The following ABI3BP variants were observed in gnomAD, a reference collection of about 807,000 sequenced individuals.
ABI3BP encodes the protein ABI family member 3 binding protein, also known as target of Nesh-SH3.
In ABI3BP, 216 loss-of-function variants were observed where a neutral mutation model predicts 268.6. That is an observed-to-expected ratio of 0.80 (90% CI 0.72 to 0.90). The LOEUF is 0.90. Among genes scored for constraint, ABI3BP ranks in the 40% least tolerant of loss-of-function variants. ABI3BP has a pLI of 0.00. For missense variants in ABI3BP, 2,090 were observed against 2,182.4 expected (o/e 0.96, Z 0.84); for synonymous variants, 730 against 730.0 (o/e 1.00, Z 0.00).
At chr3:100,852,320 C>A (rs1353599978) in intron 14 of ABI3BP, among the ~76,000 whole-genome samples, 2 of 152,202 alleles carry the variant, frequency 1.3e-5, no homozygotes, top group African/African-American at 4.8e-5. Flanking sequence ...ACAGCAGTCC[C>A]ATTGAGGCAA....
At chr3:100,978,019 C>G (rs1213313496) in intron 1 of ABI3BP, among the ~76,000 whole-genome samples, 2 of 152,158 alleles carry the variant, frequency 1.3e-5, no homozygotes, top group Non-Finnish European at 2.9e-5. Context: ...TAAGTTTTAT[C>G]AGCTCTTAGA....
intron 14 of ABI3BP, among the ~76,000 whole-genome samples, chr3:100,856,388 T>A (rs1200484647): frequency 6.6e-6 from 1 of 152,138 alleles, no homozygotes; most frequent in Admixed American, 6.5e-5. Flanking sequence ...GATGACCTCC[T>A]AAAGGAAGCT....
intron 2 of ABI3BP, among the ~76,000 whole-genome samples, chr3:100,913,322 C>T (rs1213338688): frequency 6.6e-6 from 1 of 152,166 alleles, no homozygotes; most frequent in Non-Finnish European, 1.5e-5. Context: ...GCCATCACTC[C>T]ACAGGACAGA....
intron 2 of ABI3BP, chr3:100,911,148 TA>T: frequency 2.7e-6 from 1 of 372,922 alleles, no homozygotes; most frequent in Non-Finnish European, 5.2e-6. Flanking sequence ...CATCTAAGTC[TA>T]AGGCTTTATG....
At chr3:100,965,150 T>C (rs1434637434) in intron 1 of ABI3BP, among the ~76,000 whole-genome samples, 1 of 152,178 alleles carries the variant, frequency 6.6e-6, no homozygotes, top group African/African-American at 2.4e-5. Context: ...AGCCAACTCT[T>C]TTCAGTAAGA....
intron 14 of ABI3BP, among the ~76,000 whole-genome samples, chr3:100,860,877 G>A (rs1265419737): frequency 1.3e-5 from 2 of 152,078 alleles, no homozygotes; most frequent in Non-Finnish European, 2.9e-5. Flanking sequence ...GAGGGATGTG[G>A]GAGTCACAGC....
At chr3:100,950,213 C>T (rs2713759) in intron 1 of ABI3BP, among the ~76,000 whole-genome samples, 91,767 of 152,046 alleles carry the variant, frequency 0.6, 28,327 homozygotes, top group East Asian at 0.91. Flanking sequence ...GTCCCTAGCA[C>T]GGTGCCTGGC....
chr3:100,757,266 AAAGAC>A (rs1364164791), intron 63 of ABI3BP, among the ~76,000 whole-genome samples: 2 of 152,196 alleles, frequency 1.3e-5, no homozygotes, highest in African/African-American at 2.4e-5. Context: ...CCCAGTACTG[AAAGAC>A]AAGAGTTTCC....
At chr3:100,865,902 G>A (rs911967015) in intron 10 of ABI3BP, among the ~76,000 whole-genome samples, 5 of 152,116 alleles carry the variant, frequency 3.3e-5, no homozygotes, top group African/African-American at 1.2e-4. Flanking sequence ...CATCCAAATG[G>A]GTCACTCCAG....
chr3:100,899,991 C>T (rs2049474079), intron 3 of ABI3BP, among the ~76,000 whole-genome samples: 1 of 152,178 alleles, frequency 6.6e-6, no homozygotes, highest in African/African-American at 2.4e-5. Context: ...AAGCTTGTTC[C>T]TTTTGTTAAA....
At chr3:100,953,912 T>C (rs2075971716) in intron 1 of ABI3BP, among the ~76,000 whole-genome samples, 2 of 152,194 alleles carry the variant, frequency 1.3e-5, no homozygotes, top group African/African-American at 2.4e-5. Context: ...ATCATGCTCA[T>C]AGATACTTGG....
intron 29 of ABI3BP, 135 bp downstream of exon 29, chr3:100,834,549 T>G (rs761986665): frequency 4.1e-6 from 3 of 723,132 alleles, no homozygotes; most frequent in Non-Finnish European, 7.0e-6. Context: ...GAGCACTGTG[T>G]TGGTAGCAGC....
At chr3:100,869,382 A>G (rs553262599) in intron 9 of ABI3BP, among the ~76,000 whole-genome samples, 52 of 103,640 alleles carry the variant, frequency 5.0e-4, no homozygotes, top group African/African-American at 1.9e-3. Context: ...TCTGTTGCCC[A>G]GGCTGGATAC....
intron 10 of ABI3BP, among the ~76,000 whole-genome samples, chr3:100,865,893 A>G (rs1050449063): frequency 1.3e-5 from 2 of 152,154 alleles, no homozygotes; most frequent in African/African-American, 4.8e-5. Context: ...TAGGAATTTC[A>G]TCCAAATGGG....
chr3:100,866,421 G>A (rs1225318199), intron 10 of ABI3BP, among the ~76,000 whole-genome samples: 5 of 152,124 alleles, frequency 3.3e-5, no homozygotes, highest in Non-Finnish European at 5.9e-5. Context: ...CTCTACACTA[G>A]GATTGCTAAA....
rs1323627480 is a variant in ABI3BP, at chr3:100,849,745, G to T, written c.1501+300C>A. On this transcript the variant is annotated intron_variant, in intron 17 of 67. Coordinates refer to ENST00000471714, the MANE Select transcript of ABI3BP (RefSeq NM_001375547.2). The stretch of plus-strand genomic sequence containing the variant: ...GTACCTAACTGTGTTAAGTAGAAGG[G>T]AACATATTTTGAAATAATTATCTAT... Among the ~76,000 whole-genome samples the T allele has an allele frequency of 2.0e-5, 3 of 152,178 alleles. No individual in the cohort carries two copies. The South Asian group carries it at 6.2e-4, about 32-fold the overall frequency.
intron 1 of ABI3BP, among the ~76,000 whole-genome samples, chr3:100,966,746 T>C (rs2081442806): frequency 6.6e-6 from 1 of 152,208 alleles, no homozygotes; most frequent in Admixed American, 6.5e-5. Context: ...TGTGAGAATG[T>C]CCTTCTTCTT....
intron 63 of ABI3BP, among the ~76,000 whole-genome samples, chr3:100,764,349 C>G (rs540609643): frequency 2.3e-4 from 35 of 152,324 alleles, no homozygotes; most frequent in Non-Finnish European, 3.5e-4. Flanking sequence ...TTAACTGCCT[C>G]TCCTCTAGCC....
intron 1 of ABI3BP, among the ~76,000 whole-genome samples, chr3:100,953,460 C>T (rs1393529282): frequency 6.6e-6 from 1 of 152,126 alleles, no homozygotes; most frequent in Non-Finnish European, 1.5e-5. Flanking sequence ...TAAGATACTA[C>T]ATCACCCATC....
Sources: allele counts gnomAD v4.1 joint callset (sites outside exome capture counted in the v4.1 genomes callset), GRCh38; gene constraint gnomAD v4.1.1; transcripts MANE v1.5; gene names NCBI Gene and HGNC (gene_info 2026-07-23, HGNC 2026-07-21).